The following VWC2 variants were observed in gnomAD, a reference collection of about 807,000 sequenced individuals.
VWC2 encodes the protein brorin.
A neutral mutation model predicts 29.8 loss-of-function variants in VWC2; 14 were observed. The ratio of observed to expected loss-of-function variants is 0.47; its 90% CI spans 0.31 to 0.74. The LOEUF (loss-of-function observed/expected upper bound fraction) is 0.74. Among genes scored for constraint, VWC2 ranks in the 30% least tolerant of loss-of-function variants. The probability of loss-of-function intolerance (pLI) is 0.05; values close to 1 mark genes in which losing one functional copy is unlikely to be tolerated. For missense variants in VWC2, 457 were observed against 459.8 expected, an observed-to-expected ratio of 0.99 and a Z score of 0.05; for synonymous variants, 213 against 199.0, an observed-to-expected ratio of 1.07 and a Z score of -0.59.
At chr7:49,841,408 G>T (rs1050864264) in intron 3 of VWC2, among the ~76,000 whole-genome samples, 1 of 151,950 alleles carries the variant, frequency 6.6e-6, no homozygotes, top group Non-Finnish European at 1.5e-5. Context: ...CAATTTCATA[G>T]TGGAGGAATT....
chr7:49,776,516 G>A (rs905187312), intron 2 of VWC2, among the ~76,000 whole-genome samples: 2 of 152,134 alleles, frequency 1.3e-5, no homozygotes, highest in Admixed American at 6.5e-5. Flanking sequence ...TACCATTTGG[G>A]ATATATTCTT....
chr7:49,825,898 T>C (rs1203842727), intron 3 of VWC2, among the ~76,000 whole-genome samples: 1 of 152,182 alleles, frequency 6.6e-6, no homozygotes, highest in Non-Finnish European at 1.5e-5. Context: ...TTACAGGCAG[T>C]TTGTACTGAT....
intron 3 of VWC2, among the ~76,000 whole-genome samples, chr7:49,816,060 C>T (rs544960752): frequency 3.9e-5 from 6 of 152,102 alleles, no homozygotes; most frequent in Non-Finnish European, 8.8e-5. Flanking sequence ...GTTGTGGGCA[C>T]AGCATATGTC....
intron 3 of VWC2, among the ~76,000 whole-genome samples, chr7:49,842,411 AG>A (rs1789818848): frequency 6.6e-6 from 1 of 152,180 alleles, no homozygotes; most frequent in Admixed American, 6.5e-5. Context: ...GGATGCCTTT[AG>A]GTATGATAGT....
intron 3 of VWC2, among the ~76,000 whole-genome samples, chr7:49,806,751 C>T (rs975237265): frequency 1.5e-4 from 23 of 150,612 alleles, no homozygotes; most frequent in Non-Finnish European, 2.7e-4. Context: ...TGTGTGTGTG[C>T]GTGTGTGTGT....
intron 3 of VWC2, among the ~76,000 whole-genome samples, chr7:49,854,049 C>CT (rs572763437): frequency 6.6e-6 from 1 of 151,870 alleles, no homozygotes; most frequent in Non-Finnish European, 1.5e-5. Flanking sequence ...TGAACTCATC[C>CT]TTTTTTATGG....
chr7:49,910,982 G>T (rs1160809411), intron 3 of VWC2, among the ~76,000 whole-genome samples: 1 of 152,192 alleles, frequency 6.6e-6, no homozygotes, highest in East Asian at 1.9e-4. Context: ...GCCCTCGGAG[G>T]CCTGGAAGGT....
At chr7:49,899,825 A>G (rs1562761397) in intron 3 of VWC2, among the ~76,000 whole-genome samples, 1 of 152,002 alleles carries the variant, frequency 6.6e-6, no homozygotes, top group Non-Finnish European at 1.5e-5. Flanking sequence ...TCAAGTGGAT[A>G]TAATTGACAT....
At chr7:49,828,422 A>G (rs968864684) in intron 3 of VWC2, among the ~76,000 whole-genome samples, 1 of 152,220 alleles carries the variant, frequency 6.6e-6, no homozygotes, top group Non-Finnish European at 1.5e-5. Flanking sequence ...GGGTAGGTCA[A>G]TGTGAAAAGT....
intron 2 of VWC2, among the ~76,000 whole-genome samples, chr7:49,784,779 C>T (rs180767936): frequency 6.6e-6 from 1 of 152,290 alleles, no homozygotes; most frequent in East Asian, 1.9e-4. Flanking sequence ...TTAAATGGAT[C>T]AACAGGTATC....
chr7:49,801,809 A>G (rs928401495), intron 2 of VWC2, among the ~76,000 whole-genome samples: 1 of 152,266 alleles, frequency 6.6e-6, no homozygotes, highest in Non-Finnish European at 1.5e-5. Flanking sequence ...CTGTTAGTAC[A>G]AAGGGTCAGT....
intron 3 of VWC2, among the ~76,000 whole-genome samples, chr7:49,859,074 C>T (rs1790542563): frequency 6.6e-6 from 1 of 152,162 alleles, no homozygotes; most frequent in African/African-American, 2.4e-5. Flanking sequence ...TACATTGTGG[C>T]CCATATGGGC....
At chr7:49,841,958 C>G (rs67909215) in intron 3 of VWC2, among the ~76,000 whole-genome samples, 26,873 of 151,962 alleles carry the variant, frequency 0.18, 3,098 homozygotes, top group African/African-American at 0.32. Context: ...CCTCCACCTC[C>G]TGGGTTCAAG....
intron 2 of VWC2, among the ~76,000 whole-genome samples, chr7:49,797,800 C>A (rs535375251): frequency 6.6e-6 from 1 of 152,300 alleles, no homozygotes; most frequent in African/African-American, 2.4e-5. Context: ...ACTCCTGGCA[C>A]ACAATAGGGG....
At chr7:49,858,127 T>C (rs930267529) in intron 3 of VWC2, among the ~76,000 whole-genome samples, 3 of 152,206 alleles carry the variant, frequency 2.0e-5, no homozygotes, top group African/African-American at 7.2e-5. Context: ...TGTAAAAGTG[T>C]TCCTATTTCT....
chr7:49,785,069 C>T (rs939080850), intron 2 of VWC2, among the ~76,000 whole-genome samples: 1 of 152,140 alleles, frequency 6.6e-6, no homozygotes, highest in Non-Finnish European at 1.5e-5. Context: ...ATCCCCAATC[C>T]TAGTCAGCTT....
At chr7:49,840,800 C>T (rs1407526171) in intron 3 of VWC2, among the ~76,000 whole-genome samples, 1 of 152,154 alleles carries the variant, frequency 6.6e-6, no homozygotes, top group Non-Finnish European at 1.5e-5. Context: ...CCCCGTATTT[C>T]AGGTTCGCAG....
At chr7:49,774,378 G>A (rs1788005615) in intron 1 of VWC2, among the ~76,000 whole-genome samples, 2 of 152,244 alleles carry the variant, frequency 1.3e-5, no homozygotes, top group Non-Finnish European at 2.9e-5. Context: ...GCAGAGTGGG[G>A]GCGTTCGGGG....
rs368455759 is a variant in VWC2, at chr7:49,853,533, G to GT, written c.826+50703dup. Among the ~76,000 whole-genome samples, 680 of 149,188 alleles carry GT rather than the reference G, an allele frequency of 4.6e-3. 3 individuals carry two copies. Among genetic ancestry groups the GT allele is most frequent in the Middle Eastern group, 0.024 (7 of 292 alleles). Reference sequence around the variant, plus strand: ...GAATAAGATAGGTCCTAAGTTTTTGGTTTTTTTTTTCTTTATCACGGTAGA... The same window carrying GT: ...GAATAAGATAGGTCCTAAGTTTTTGGTTTTTTTTTTTCTTTATCACGGTAGA... On this transcript the variant is annotated intron_variant, in intron 3 of 3. Coordinates refer to ENST00000340652, the MANE Select transcript of VWC2 (RefSeq NM_198570.5).
Sources: gnomAD v4.1 joint callset for allele counts (sites outside exome capture counted in the v4.1 genomes callset) on GRCh38, gnomAD v4.1.1 for gene constraint, MANE v1.5 for transcripts, NCBI Gene and HGNC (gene_info 2026-07-23, HGNC 2026-07-21) for gene names.